GPC5: variants seen among roughly 807,000 people sequenced by gnomAD.
GPC5 encodes the protein glypican 5, also known as glypican-5.
Under a neutral mutation model 53.9 loss-of-function variants are expected in GPC5, and 47 were observed. The observed-to-expected ratio is 0.87, with a 90% CI of 0.69 to 1.11. The LOEUF (loss-of-function observed/expected upper bound fraction) is 1.11, where lower values mean the gene tolerates loss of function less well. Ranked by LOEUF, GPC5 falls within the 50% of genes most tolerant of loss-of-function variation. GPC5 has a pLI of 0.00. For synonymous variants in GPC5, 286 were observed against 263.3 expected, an observed-to-expected ratio of 1.09 and a Z score of -0.84; for missense variants, 748 against 713.1, an observed-to-expected ratio of 1.05 and a Z score of -0.56.
At chr13:91,725,757 T>G (rs1439835356) in intron 3 of GPC5, among the ~76,000 whole-genome samples, 1 of 152,176 alleles carries the variant, frequency 6.6e-6, no homozygotes, top group Non-Finnish European at 1.5e-5. Flanking sequence ...AGTTACAATC[T>G]GAGGTCTGAC....
chr13:91,593,620 C>T (rs962173561), intron 2 of GPC5, among the ~76,000 whole-genome samples: 2 of 152,122 alleles, frequency 1.3e-5, no homozygotes, highest in Admixed American at 6.5e-5. Flanking sequence ...GCCTCATAAC[C>T]TTTACCACAC....
In GPC5 at chr13:92,602,246, A is replaced by G. The variant is rs1251318779; in HGVS notation, c.1562-264036A>G. On this transcript the variant is annotated intron_variant, in intron 7 of 7. Transcript: ENST00000377067. ...ATATATATATAACATATATATATATATATATATATATATATATGCACACAC... is the reference window on the plus strand; with the variant it reads ...ATATATATATAACATATATATATATGTATATATATATATATATGCACACAC... Among the ~76,000 whole-genome samples the G allele has an allele frequency of 4.4e-3, 618 of 140,498 alleles. 14 individuals are homozygous for G. Among genetic ancestry groups the G allele is most frequent in the African/African-American group, 0.015 (576 of 38,434 alleles). 92.2% of individuals were successfully genotyped at this position (140,498 alleles called of 152,430 possible).
At chr13:91,806,736 G>C (rs1216441488) in intron 5 of GPC5, among the ~76,000 whole-genome samples, 1 of 152,122 alleles carries the variant, frequency 6.6e-6, no homozygotes, top group African/African-American at 2.4e-5. Context: ...TTTCACTAAA[G>C]AGGAGCTGTG....
chr13:91,882,527 T>G (rs1214704475), intron 5 of GPC5, among the ~76,000 whole-genome samples: 1 of 151,918 alleles, frequency 6.6e-6, no homozygotes, highest in Non-Finnish European at 1.5e-5. Flanking sequence ...TAGTCTTTGA[T>G]TTTTACTTTA....
At chr13:92,130,339 G>GAAA (rs57555250) in intron 6 of GPC5, among the ~76,000 whole-genome samples, 23 of 136,644 alleles carry the variant, frequency 1.7e-4, no homozygotes, top group African/African-American at 5.5e-4. Flanking sequence ...GATGTTAACT[G>GAAA]AAAAAAAAAA....
chr13:92,111,726 T>G (rs1178863882), intron 6 of GPC5, among the ~76,000 whole-genome samples: 1 of 152,158 alleles, frequency 6.6e-6, no homozygotes, highest in Non-Finnish European at 1.5e-5. Context: ...TTTGATGAGT[T>G]GTAAAAAACT....
At chr13:92,695,857 C>A (rs553487956) in intron 7 of GPC5, among the ~76,000 whole-genome samples, 1 of 152,148 alleles carries the variant, frequency 6.6e-6, no homozygotes, top group Middle Eastern at 3.4e-3. Context: ...CCCTAGTCCC[C>A]CATCCCATGA....
At position 91,952,189 on chromosome 13, in the gene GPC5, C is replaced by CTATGTGTG. The variant is rs138325351; in HGVS notation, c.1401+44133_1401+44134insATGTGTGT. Among the ~76,000 whole-genome samples the CTATGTGTG allele has an allele frequency of 1.2e-3, 148 of 119,412 alleles. 2 individuals carry two copies. Among genetic ancestry groups the CTATGTGTG allele is most frequent in the Middle Eastern group, 9.5e-3 (2 of 210 alleles). The allele number at this position is 119,412 out of a possible 152,430, so 78.3% of individuals were successfully genotyped here. A position where few individuals can be genotyped will look rare whatever the true frequency, so the allele number is the denominator to read the frequency against. On this transcript the variant is annotated intron_variant, in intron 6 of 7. Transcript: ENST00000377067. Reference sequence around the variant, plus strand: ...GATCTCTCTTTCTCTCTCTCTCTCTCTGTGTGTGTGTGTGTGTGTATGTAT... The same window carrying CTATGTGTG: ...GATCTCTCTTTCTCTCTCTCTCTCTCTATGTGTGTGTGTGTGTGTGTGTGTGTATGTAT...
chr13:91,487,390 T>G (rs9560815), intron 2 of GPC5, among the ~76,000 whole-genome samples: 37,311 of 152,108 alleles, frequency 0.25, 5,487 homozygotes, highest in East Asian at 0.59. Context: ...GAGACAGACA[T>G]TATCCTGTGG....
intron 3 of GPC5, among the ~76,000 whole-genome samples, chr13:91,705,694 C>A (rs9589340): frequency 0.023 from 1,982 of 87,104 alleles, 18 homozygotes; most frequent in Middle Eastern, 0.063. Flanking sequence ...TCTAAAAACA[C>A]CCCCCCCCCC....
intron 7 of GPC5, among the ~76,000 whole-genome samples, chr13:92,526,448 G>A (rs990021652): frequency 6.6e-6 from 1 of 152,094 alleles, no homozygotes; most frequent in Non-Finnish European, 1.5e-5. Flanking sequence ...CAGTGTGGGT[G>A]AAAGATGTGT....
chr13:92,645,136 T>C (rs1885725130), intron 7 of GPC5, among the ~76,000 whole-genome samples: 1 of 152,154 alleles, frequency 6.6e-6, no homozygotes, highest in African/African-American at 2.4e-5. Flanking sequence ...CAGAAACTCC[T>C]CTGGTGCCCC....
At chr13:92,092,778 C>A (rs1293963354) in intron 6 of GPC5, among the ~76,000 whole-genome samples, 1 of 152,008 alleles carries the variant, frequency 6.6e-6, no homozygotes, top group African/African-American at 2.4e-5. Flanking sequence ...AATAATGGTT[C>A]TCATACAAAT....
intron 6 of GPC5, among the ~76,000 whole-genome samples, chr13:91,964,478 C>G (rs1025984771): frequency 1.3e-5 from 2 of 152,138 alleles, no homozygotes; most frequent in Non-Finnish European, 2.9e-5. Flanking sequence ...ATTTATAAAT[C>G]TTTAGCTAGA....
At chr13:91,610,939 A>T (rs1038134036) in intron 2 of GPC5, among the ~76,000 whole-genome samples, 3 of 152,150 alleles carry the variant, frequency 2.0e-5, no homozygotes, top group South Asian at 2.1e-4. Context: ...TTGTAAAGGC[A>T]TGGGGGTCCT....
intron 5 of GPC5, among the ~76,000 whole-genome samples, chr13:91,817,653 A>C (rs2038421269): frequency 6.6e-6 from 1 of 152,272 alleles, no homozygotes; most frequent in Non-Finnish European, 1.5e-5. Context: ...TTTCTTCTTA[A>C]AGTGTCTTAG....
intron 3 of GPC5, among the ~76,000 whole-genome samples, chr13:91,712,550 G>GCACA (rs2036250035): frequency 1.3e-5 from 2 of 152,122 alleles, no homozygotes. Context: ...TATAATCTAT[G>GCACA]TAATTAAAAT....
chr13:92,393,353 C>T (rs1031488983), intron 7 of GPC5, among the ~76,000 whole-genome samples: 5 of 152,124 alleles, frequency 3.3e-5, no homozygotes, highest in South Asian at 2.1e-4. Flanking sequence ...CTAAATAATA[C>T]GAACTTATGA....
intron 7 of GPC5, among the ~76,000 whole-genome samples, chr13:92,503,646 T>C (rs1291178252): frequency 6.6e-6 from 1 of 151,860 alleles, no homozygotes; most frequent in Non-Finnish European, 1.5e-5. Context: ...AAGAATTATC[T>C]TTATCGATAC....
Sources: gnomAD v4.1 joint callset for allele counts (sites outside exome capture counted in the v4.1 genomes callset) on GRCh38, gnomAD v4.1.1 for gene constraint, MANE v1.5 for transcripts, NCBI Gene and HGNC (gene_info 2026-07-23, HGNC 2026-07-21) for gene names.